PTPRD: variants seen among roughly 807,000 people sequenced by gnomAD.
PTPRD encodes receptor-type tyrosine-protein phosphatase delta.
A neutral mutation model predicts 214.5 loss-of-function variants in PTPRD; 34 were observed. The observed-to-expected ratio is 0.16, with a 90% confidence interval of 0.12 to 0.21. The LOEUF (loss-of-function observed/expected upper bound fraction) is 0.21. PTPRD is among the 10% of genes least tolerant of loss of function. PTPRD has a pLI of 1.00. For synonymous variants in PTPRD, 1,128 were observed against 845.7 expected (o/e 1.33, Z -5.79); for missense variants, 2,545 against 2,398.7 (o/e 1.06, Z -1.27).
At chr9:9,855,823 G>A (rs1402640282) in intron 5 of PTPRD, among the ~76,000 whole-genome samples, 3 of 152,214 alleles carry the variant, frequency 2.0e-5, no homozygotes, top group African/African-American at 7.2e-5. Context: ...CAGAGGGCAT[G>A]TTAGGGCTTT....
At chr9:8,391,557 T>A (rs2089569021) in intron 36 of PTPRD, among the ~76,000 whole-genome samples, 1 of 152,204 alleles carries the variant, frequency 6.6e-6, no homozygotes, top group African/African-American at 2.4e-5. Flanking sequence ...TCCATAGGAT[T>A]TGGTTCTGAG....
intron 10 of PTPRD, among the ~76,000 whole-genome samples, chr9:9,171,582 G>A (rs915582542): frequency 2.0e-5 from 3 of 151,892 alleles, no homozygotes; most frequent in South Asian, 2.1e-4. Context: ...TCATGAATAC[G>A]TGGAAAGCAG....
chr9:10,100,637 C>T (rs1374325122), intron 3 of PTPRD, among the ~76,000 whole-genome samples: 2 of 151,534 alleles, frequency 1.3e-5, no homozygotes, highest in East Asian at 1.9e-4. Context: ...AGTTTTAATA[C>T]TAATGGTAAC....
intron 7 of PTPRD, among the ~76,000 whole-genome samples, chr9:9,653,891 A>AT (rs1339234758): frequency 2.0e-5 from 3 of 152,092 alleles, no homozygotes; most frequent in Non-Finnish European, 4.4e-5. Flanking sequence ...ATCTATTATT[A>AT]TTTTCAATGG....
chr9:8,933,954 A>G (rs10739176), intron 11 of PTPRD, among the ~76,000 whole-genome samples: 39,779 of 151,834 alleles, frequency 0.26, 5,742 homozygotes, highest in East Asian at 0.54. Context: ...ATATTTCCCA[A>G]CCCCAGAATA....
intron 44 of PTPRD, among the ~76,000 whole-genome samples, chr9:8,324,254 C>T (rs1419203247): frequency 2.0e-5 from 3 of 152,074 alleles, no homozygotes; most frequent in Non-Finnish European, 4.4e-5. Flanking sequence ...TCCCCCAGGC[C>T]CCCACCCCCT....
chr9:8,765,338 T>C (rs2094649511), intron 11 of PTPRD, among the ~76,000 whole-genome samples: 1 of 152,158 alleles, frequency 6.6e-6, no homozygotes, highest in Admixed American at 6.5e-5. Flanking sequence ...AATAACACTA[T>C]AAGTTATATA....
intron 5 of PTPRD, among the ~76,000 whole-genome samples, chr9:9,849,802 A>G (rs2060204891): frequency 6.6e-6 from 1 of 152,120 alleles, no homozygotes; most frequent in Admixed American, 6.6e-5. Flanking sequence ...TCTAAGAATC[A>G]AATCAAAATC....
intron 6 of PTPRD, among the ~76,000 whole-genome samples, chr9:9,756,828 G>A (rs2098589544): frequency 2.0e-5 from 3 of 152,078 alleles, no homozygotes. Flanking sequence ...CCTCCCATGT[G>A]GTTAAGCTAG....
intron 8 of PTPRD, among the ~76,000 whole-genome samples, chr9:9,501,939 C>G (rs935713913): frequency 6.6e-6 from 1 of 151,714 alleles, no homozygotes; most frequent in Non-Finnish European, 1.5e-5. Flanking sequence ...TTGGAGGGAA[C>G]TTTAGGAAAT....
chr9:10,543,155 G>A (rs1590463228), intron 2 of PTPRD, among the ~76,000 whole-genome samples: 1 of 152,076 alleles, frequency 6.6e-6, no homozygotes, highest in Non-Finnish European at 1.5e-5. Context: ...AAAGTGCTGG[G>A]ATTACAGGTG....
chr9:10,520,708 G>T (rs1229582117), intron 2 of PTPRD, among the ~76,000 whole-genome samples: 1 of 152,080 alleles, frequency 6.6e-6, no homozygotes, highest in Non-Finnish European at 1.5e-5. Flanking sequence ...GTGACTTTAA[G>T]TTGAAGCTAA....
intron 9 of PTPRD, among the ~76,000 whole-genome samples, chr9:9,276,435 T>C (rs1251378946): frequency 6.6e-6 from 1 of 151,284 alleles, no homozygotes; most frequent in Non-Finnish European, 1.5e-5. Context: ...GTTTTGGTAA[T>C]GGGCAAGGTG....
At chr9:8,702,305 G>T (rs1597398306) in intron 12 of PTPRD, among the ~76,000 whole-genome samples, 1 of 150,380 alleles carries the variant, frequency 6.6e-6, no homozygotes, top group East Asian at 1.9e-4. Context: ...GCTTTTACTT[G>T]AAATAAAGTA....
At chr9:10,350,997 G>A (rs1382601945) in intron 2 of PTPRD, among the ~76,000 whole-genome samples, 1 of 152,058 alleles carries the variant, frequency 6.6e-6, no homozygotes. Context: ...TAATACTGAA[G>A]AAAGGAGCCA....
intron 4 of PTPRD, among the ~76,000 whole-genome samples, chr9:9,979,422 G>C (rs914488481): frequency 1.3e-5 from 2 of 151,800 alleles, no homozygotes; most frequent in African/African-American, 4.8e-5. Context: ...ATTGAATAGT[G>C]GTAGTTATCT....
chr9:8,514,232 C>A (rs1239177194), intron 21 of PTPRD, among the ~76,000 whole-genome samples: 4 of 152,156 alleles, frequency 2.6e-5, no homozygotes, highest in African/African-American at 9.7e-5. Flanking sequence ...TAGATTACGA[C>A]TGAAGGCATC....
chr9:8,698,078 T>C (rs2097966160), intron 12 of PTPRD, among the ~76,000 whole-genome samples: 1 of 152,188 alleles, frequency 6.6e-6, no homozygotes, highest in Admixed American at 6.5e-5. Flanking sequence ...AAACTTTATT[T>C]TATACAAACA....
chr9:9,183,487 C>G (rs1382021918), intron 9 of PTPRD, 124 bp from the exon 10 acceptor site: 3 of 151,946 alleles, frequency 2.0e-5, no homozygotes, highest in Admixed American at 6.6e-5. Flanking sequence ...AAAAAGTAAG[C>G]TAGTTAATGA....
Sources: allele counts gnomAD v4.1 joint callset (sites outside exome capture counted in the v4.1 genomes callset), GRCh38; gene constraint gnomAD v4.1.1; transcripts MANE v1.5; gene names NCBI Gene and HGNC (gene_info 2026-07-23, HGNC 2026-07-21).